Variants in P2RY8 observed in about 807,000 individuals in gnomAD.
P2RY8 encodes P2Y receptor family member 8, also known as S-geranylgeranyl-glutathione receptor P2RY8.
A neutral mutation model predicts 10.0 loss-of-function variants in P2RY8; 6 were observed. That is an observed-to-expected ratio of 0.60 (90% CI 0.33 to 1.19). The LOEUF is 1.19. P2RY8 is among the 50% of genes most tolerant of loss of function. The probability of loss-of-function intolerance (pLI) is 0.04; values close to 1 mark genes in which losing one functional copy is unlikely to be tolerated. For missense variants in P2RY8, 456 were observed against 542.0 expected (o/e 0.84, Z 1.58); for synonymous variants, 276 against 252.5 (o/e 1.09, Z -0.88).
At chrX:1,530,582 C>G (rs1337738763) in intron 1 of P2RY8, among the ~76,000 whole-genome samples, 1 of 148,264 alleles carries the variant, frequency 6.7e-6, no homozygotes, top group South Asian at 2.2e-4. Flanking sequence ...TGATCTATCT[C>G]TCTATCATCA....
At chrX:1,534,497 C>G (rs1245016853) in intron 1 of P2RY8, among the ~76,000 whole-genome samples, 6 of 151,916 alleles carry the variant, frequency 3.9e-5, no homozygotes, top group Non-Finnish European at 7.4e-5. Flanking sequence ...TCCCAGGGGC[C>G]GTGCAGAATC....
intron 1 of P2RY8, among the ~76,000 whole-genome samples, chrX:1,528,718 G>T (rs2092454778): frequency 6.6e-6 from 1 of 152,040 alleles, no homozygotes; most frequent in Non-Finnish European, 1.5e-5. Flanking sequence ...GTGTGGATTT[G>T]AGTCTCTTTG....
intron 1 of P2RY8, among the ~76,000 whole-genome samples, chrX:1,476,734 T>C (rs2091878561): frequency 6.6e-6 from 1 of 152,146 alleles, no homozygotes; most frequent in African/African-American, 2.4e-5. Context: ...GAAACATCCC[T>C]GGTTGCCACA....
rs1556687506 is a variant in P2RY8, at chrX:1,532,349, A to ATG, written c.-25+4570_-25+4571dup. Among the ~76,000 whole-genome samples the ATG allele has an allele frequency of 7.8e-5, 11 of 140,628 alleles. 2 individuals carry two copies. The highest frequency in any genetic ancestry group is 2.3e-4 in the South Asian group (1 of 4,358). 92.3% of individuals were successfully genotyped at this position (140,628 alleles called of 152,430 possible). On this transcript the variant is annotated intron_variant, in intron 1 of 1. Transcript: ENST00000381297. ...GTATATATACACATATATGTATATG[A>ATG]TGTGTATATATACACATATACGTAT...
At chrX:1,510,581 G>A (rs1299590461) in intron 1 of P2RY8, among the ~76,000 whole-genome samples, 1 of 152,104 alleles carries the variant, frequency 6.6e-6, no homozygotes, top group African/African-American at 2.4e-5. Flanking sequence ...CTGTGTTCTG[G>A]AAGCCCCTTT....
intron 1 of P2RY8, among the ~76,000 whole-genome samples, chrX:1,508,303 C>T (rs1482226715): frequency 1.3e-5 from 2 of 152,104 alleles, no homozygotes; most frequent in East Asian, 1.9e-4. Context: ...CCCCAGGGGA[C>T]GCTGGGCAGC....
At chrX:1,531,091 T>TATCC (rs1414683172) in intron 1 of P2RY8, among the ~76,000 whole-genome samples, 1 of 152,066 alleles carries the variant, frequency 6.6e-6, no homozygotes, top group Non-Finnish European at 1.5e-5. Flanking sequence ...TCTATCTATC[T>TATCC]ATCTATCTAA....
chrX:1,533,357 ATTACATAT>A (rs2092494382), intron 1 of P2RY8, among the ~76,000 whole-genome samples: 1 of 147,506 alleles, frequency 6.8e-6, no homozygotes, highest in Non-Finnish European at 1.5e-5. Flanking sequence ...ATATTCATAT[ATTACATAT>A]TTACATATTT....
intron 1 of P2RY8, among the ~76,000 whole-genome samples, chrX:1,487,927 G>A (rs2092001333): frequency 6.6e-6 from 1 of 152,084 alleles, no homozygotes; most frequent in Admixed American, 6.6e-5. Context: ...TGGCTAACAC[G>A]GTGAAACCCC....
rs190801436 is a variant in P2RY8, at chrX:1,536,416, C to G, written c.-25+505G>C. Among the ~76,000 whole-genome samples the G allele has an allele frequency of 2.1e-3, 316 of 152,228 alleles. 2 individuals are homozygous for G. Among genetic ancestry groups the G allele is most frequent in the African/African-American group, 6.5e-3 (272 of 41,546 alleles). On this transcript the variant is annotated intron_variant, in intron 1 of 1. Transcript: ENST00000381297. ...AGCTGGGACCGCAGGCGCCCACCACCAAGCCCAGCTAATTTTTGTATTTTT... is the reference window on the plus strand; with the variant it reads ...AGCTGGGACCGCAGGCGCCCACCACGAAGCCCAGCTAATTTTTGTATTTTT...
chrX:1,485,882 A>C (rs1252553561), intron 1 of P2RY8, among the ~76,000 whole-genome samples: 1 of 151,956 alleles, frequency 6.6e-6, no homozygotes, highest in Non-Finnish European at 1.5e-5. Flanking sequence ...ATAATACATT[A>C]TTTCTGCATG....
Position 1,466,181 on chromosome X carries a change from C to A in P2RY8, c.378G>T (p.Leu126=). Residue 126 remains leucine, a synonymous_variant, in exon 2 of 2, where the codon CTG becomes CTT. Transcript: ENST00000381297. ...GCCAGCGCTTGGAGCTGAGCGGGTA[C>A]AGGACCCCCAGGAAGCGCTCCACGC... ...CISVERFLGV[L]YPLSSKRWRR... 1 of 1,612,566 alleles carries A rather than the reference C, an allele frequency of 6.2e-7. No homozygotes were observed. The highest frequency in any genetic ancestry group is 8.5e-7 in the Non-Finnish European group (1 of 1,179,412).
intron 1 of P2RY8, among the ~76,000 whole-genome samples, chrX:1,492,263 G>A (rs1271414548): frequency 6.6e-6 from 1 of 152,130 alleles, no homozygotes; most frequent in African/African-American, 2.4e-5. Flanking sequence ...CCCAAGCCTG[G>A]CCAGTTAGGG....
At chrX:1,507,141 G>C (rs188592423) in intron 1 of P2RY8, among the ~76,000 whole-genome samples, 1 of 151,796 alleles carries the variant, frequency 6.6e-6, no homozygotes, top group Non-Finnish European at 1.5e-5. Context: ...CCAAAGTTCC[G>C]TGGTCTACTG....
intron 1 of P2RY8, among the ~76,000 whole-genome samples, chrX:1,523,374 T>A (rs1434299703): frequency 6.6e-6 from 1 of 152,122 alleles, no homozygotes; most frequent in African/African-American, 2.4e-5. Context: ...GTCTCCTTGG[T>A]CCCTAATCAT....
intron 1 of P2RY8, among the ~76,000 whole-genome samples, chrX:1,504,623 A>G (rs1334253575): frequency 2.0e-5 from 3 of 151,928 alleles, no homozygotes; most frequent in Non-Finnish European, 4.4e-5. Context: ...AGTCTGAGGC[A>G]GGTGGATCAC....
At chrX:1,469,336 T>C (rs1238896065) in intron 1 of P2RY8, among the ~76,000 whole-genome samples, 1 of 151,174 alleles carries the variant, frequency 6.6e-6, no homozygotes, top group Non-Finnish European at 1.5e-5. Context: ...GCTGATTTTT[T>C]ACTTTTTGTA....
chrX:1,482,160 GGTGTGTGT>G (rs5901178), intron 1 of P2RY8, among the ~76,000 whole-genome samples: 2 of 146,972 alleles, frequency 1.4e-5, no homozygotes, highest in East Asian at 2.0e-4. Context: ...TTGTGTGTGT[GGTGTGTGT>G]GTGTGTGTGT....
chrX:1,468,641 C>T lies in P2RY8; in HGVS notation c.-24-2059G>A, dbSNP rs778430229. Among the ~76,000 whole-genome samples the T allele has an allele frequency of 2.0e-5, 3 of 152,010 alleles. No homozygotes were observed. The South Asian group carries it at 6.2e-4, about 32-fold the overall frequency. On this transcript the variant is annotated intron_variant, in intron 1 of 1. Coordinates refer to ENST00000381297, the MANE Select transcript of P2RY8 (RefSeq NM_178129.5). ...GGCGGTGTCTGGCCTGCAGAGGTGG[C>T]TGTCCAGAAATTTCTGGGCACTGAA...
Sources: allele counts gnomAD v4.1 joint callset (sites outside exome capture counted in the v4.1 genomes callset), GRCh38; gene constraint gnomAD v4.1.1; transcripts MANE v1.5; gene names NCBI Gene and HGNC (gene_info 2026-07-23, HGNC 2026-07-21).